Variants in SPPL3 observed in about 807,000 individuals in gnomAD.
The protein encoded by SPPL3 is signal peptide peptidase like 3.
Under a neutral mutation model 42.4 loss-of-function variants are expected in SPPL3, and 5 were observed. That is an observed-to-expected ratio of 0.12 (90% CI 0.06 to 0.25). The LOEUF (loss-of-function observed/expected upper bound fraction) is 0.25. Among genes scored for constraint, SPPL3 ranks in the 10% least tolerant of loss-of-function variants. The pLI is 1.00. For synonymous variants in SPPL3, 195 were observed against 181.8 expected, an observed-to-expected ratio of 1.07 and a Z score of -0.58; for missense variants, 235 against 489.0, an observed-to-expected ratio of 0.48 and a Z score of 4.90.
intron 2 of SPPL3, among the ~76,000 whole-genome samples, chr12:120,809,275 G>A (rs956947318): frequency 6.6e-6 from 1 of 152,052 alleles, no homozygotes; most frequent in African/African-American, 2.4e-5. Context: ...GACCCAGGAG[G>A]TGGAGCTTGC....
intron 4 of SPPL3, 105 bp from the exon 5 acceptor site, chr12:120,783,857 T>C: frequency 1.1e-6 from 1 of 906,192 alleles, no homozygotes; most frequent in South Asian, 1.7e-5. Flanking sequence ...TACGGTTAAT[T>C]GACTAGAGAA....
rs1868812171 is a variant in SPPL3 at position 120,764,672 on chromosome 12, G to A, written c.*327C>T. ...CTAGAAAGACTCCTCGCTGTTTTCA[G>A]TTTTTAAACAGTCAAATCTCCATCT... On this transcript the variant is annotated 3_prime_UTR_variant, in exon 11 of 11. Transcript: ENST00000353487. The A allele has an allele frequency of 2.5e-6, 1 of 396,810 alleles. No homozygotes were observed. Among genetic ancestry groups the A allele is most frequent in the Admixed American group, 4.4e-5 (1 of 22,680 alleles). The allele number at this position is 396,810 out of a possible 1,614,324, so 24.6% of individuals were successfully genotyped here.
intron 1 of SPPL3, among the ~76,000 whole-genome samples, chr12:120,815,557 T>C (rs1465004537): frequency 6.6e-6 from 1 of 152,166 alleles, no homozygotes; most frequent in Non-Finnish European, 1.5e-5. Context: ...CCTTTGTATT[T>C]TGAAGCATAT....
intron 1 of SPPL3, among the ~76,000 whole-genome samples, chr12:120,853,051 T>A (rs1006386757): frequency 1.3e-5 from 2 of 151,500 alleles, no homozygotes; most frequent in Admixed American, 1.3e-4. Context: ...CCCGCCACCA[T>A]GCCTGGCTAA....
intron 1 of SPPL3, among the ~76,000 whole-genome samples, chr12:120,872,473 C>CAGAACACTG (rs1872961577): frequency 6.6e-6 from 1 of 152,172 alleles, no homozygotes; most frequent in African/African-American, 2.4e-5. Flanking sequence ...ACTTCAGGGA[C>CAGAACACTG]AGAACACTGA....
Position 120,768,574 on chromosome 12 carries a change from G to C in SPPL3, c.610-86C>G, listed in dbSNP as rs1241527900. Reference sequence around the variant, plus strand: ...AGCCCTCCTTGCTCTTAAGAGCAGAGTCTCAGAATGCTGTGACTGCAATGC... The same window carrying C: ...AGCCCTCCTTGCTCTTAAGAGCAGACTCTCAGAATGCTGTGACTGCAATGC... On this transcript the variant is annotated intron_variant, in intron 7 of 10. Coordinates refer to ENST00000353487, the MANE Select transcript of SPPL3 (RefSeq NM_139015.5). 3.5e-6 allele frequency: 5 copies of C among 1,410,944 alleles called. No individual in the cohort carries two copies. In the East Asian group the frequency reaches 1.1e-4, roughly 32 times the overall value. 87.4% of individuals were successfully genotyped at this position (1,410,944 alleles called of 1,614,324 possible).
chr12:120,828,223 C>T (rs917602477), intron 1 of SPPL3, among the ~76,000 whole-genome samples: 2 of 151,980 alleles, frequency 1.3e-5, no homozygotes, highest in Non-Finnish European at 2.9e-5. Flanking sequence ...CCTAAATAAC[C>T]CATGGGTCAA....
intron 1 of SPPL3, among the ~76,000 whole-genome samples, chr12:120,856,993 C>T (rs1351282814): frequency 1.5e-4 from 23 of 152,130 alleles, no homozygotes; most frequent in Admixed American, 1.5e-3. Context: ...AAAAGCTAAC[C>T]ATCTGAAGCT....
At chr12:120,858,808 GTC>G (rs1872542893) in intron 1 of SPPL3, among the ~76,000 whole-genome samples, 1 of 152,160 alleles carries the variant, frequency 6.6e-6, no homozygotes, top group African/African-American at 2.4e-5. Flanking sequence ...AATATCACTA[GTC>G]TCTGACAGCA....
intron 1 of SPPL3, among the ~76,000 whole-genome samples, chr12:120,815,555 T>C (rs1870838423): frequency 6.6e-6 from 1 of 152,142 alleles, no homozygotes; most frequent in South Asian, 2.1e-4. Context: ...ATCCTTTGTA[T>C]TTTGAAGCAT....
rs182931701 is a variant in SPPL3 at position 120,811,124 on chromosome 12, C to T, written c.24-238G>A. 28 of 351,040 alleles carry T rather than the reference C, an allele frequency of 8.0e-5. No individual in the cohort carries two copies. The East Asian group carries it at 1.1e-3, about 14-fold the overall frequency. The allele number at this position is 351,040 out of a possible 1,614,324, so 21.7% of individuals were successfully genotyped here. The stretch of plus-strand genomic sequence containing the variant: ...TAAATATTTACGGCATGTAAAATGA[C>T]ATCAATGTAAAAATCCCATCTCTGT... On this transcript the variant is annotated intron_variant, in intron 1 of 10. Transcript: ENST00000353487.
intron 1 of SPPL3, among the ~76,000 whole-genome samples, chr12:120,829,892 G>A (rs959630235): frequency 1.2e-4 from 18 of 151,502 alleles, no homozygotes; most frequent in African/African-American, 4.1e-4. Flanking sequence ...TTCTTGGGAG[G>A]CTGAGACAGG....
intron 1 of SPPL3, among the ~76,000 whole-genome samples, chr12:120,862,339 G>A (rs1872637442): frequency 6.6e-6 from 1 of 151,924 alleles, no homozygotes; most frequent in South Asian, 2.1e-4. Flanking sequence ...ATTCAATTCT[G>A]ACACTATTAC....
chr12:120,780,908 C>A (rs1323844994), intron 6 of SPPL3, among the ~76,000 whole-genome samples: 1 of 151,968 alleles, frequency 6.6e-6, no homozygotes, highest in Non-Finnish European at 1.5e-5. Context: ...GAAACTCCCT[C>A]CCCCAAAAAA....
At position 120,766,120 on chromosome 12, in the gene SPPL3, A is replaced by G. The variant is rs1292613765; in HGVS notation, c.1083+143T>C. The G allele has an allele frequency of 5.5e-4, 280 of 508,408 alleles. 3 individuals carry two copies. Among genetic ancestry groups the G allele is most frequent in the African/African-American group, 4.9e-3 (247 of 50,560 alleles). The allele number at this position is 508,408 out of a possible 1,614,324, so 31.5% of individuals were successfully genotyped here. On this transcript the variant is annotated intron_variant, in intron 10 of 10. Transcript: ENST00000353487. ...CGCGCGCACACACACACACACACAC[A>G]CACACACACACACACACACACAGTC... is the stretch of plus-strand genomic sequence containing the variant.
At chr12:120,876,301 AG>A (rs1193121973) in intron 1 of SPPL3, among the ~76,000 whole-genome samples, 1 of 152,148 alleles carries the variant, frequency 6.6e-6, no homozygotes, top group African/African-American at 2.4e-5. Flanking sequence ...GGAAATAATA[AG>A]GGAAATTAGA....
intron 1 of SPPL3, among the ~76,000 whole-genome samples, chr12:120,886,690 G>A (rs1035198418): frequency 1.1e-4 from 16 of 152,082 alleles, no homozygotes; most frequent in Admixed American, 8.5e-4. Flanking sequence ...CTTCCCCACT[G>A]AAAGAAAACC....
At chr12:120,779,310 G>C (rs1869442047) in intron 6 of SPPL3, among the ~76,000 whole-genome samples, 1 of 152,202 alleles carries the variant, frequency 6.6e-6, no homozygotes, top group Non-Finnish European at 1.5e-5. Flanking sequence ...GCCAGCCCCA[G>C]AGCTGCAGGG....
chr12:120,798,219 T>C (rs1482955888), intron 2 of SPPL3, among the ~76,000 whole-genome samples: 10 of 148,206 alleles, frequency 6.7e-5, no homozygotes, highest in Admixed American at 6.6e-4. Context: ...TTGGCTTTCC[T>C]GGGGGTTTTT....
Sources: allele counts gnomAD v4.1 joint callset (sites outside exome capture counted in the v4.1 genomes callset), GRCh38; gene constraint gnomAD v4.1.1; transcripts MANE v1.5; gene names NCBI Gene and HGNC (gene_info 2026-07-23, HGNC 2026-07-21).